Variants in PCDH15 observed in about 807,000 individuals in gnomAD.
PCDH15 encodes the protein protocadherin related 15.
A neutral mutation model predicts 178.5 loss-of-function variants in PCDH15; 129 were observed. The observed-to-expected ratio is 0.72, with a 90% CI of 0.63 to 0.84. The LOEUF is 0.84. PCDH15 is among the 40% of genes least tolerant of loss of function. The probability of loss-of-function intolerance (pLI) is 0.00; values close to 1 mark genes in which losing one functional copy is unlikely to be tolerated. For synonymous variants in PCDH15, 800 were observed against 732.0 expected, an observed-to-expected ratio of 1.09 and a Z score of -1.50; for missense variants, 2,230 against 2,099.9, an observed-to-expected ratio of 1.06 and a Z score of -1.21.
At chr10:54,006,368 C>G (rs1444201901) in intron 20 of PCDH15, among the ~76,000 whole-genome samples, 1 of 152,126 alleles carries the variant, frequency 6.6e-6, no homozygotes, top group African/African-American at 2.4e-5. Context: ...GAACAATTAG[C>G]AAGTTGTAAA....
intron 2 of PCDH15, among the ~76,000 whole-genome samples, chr10:55,061,706 A>T (rs947842222): frequency 6.6e-5 from 10 of 152,192 alleles, no homozygotes; most frequent in Non-Finnish European, 1.2e-4. Flanking sequence ...AATGGAATAT[A>T]TTACTCAGGG....
chr10:54,292,797 A>G (rs2059504065), intron 8 of PCDH15, among the ~76,000 whole-genome samples: 1 of 152,212 alleles, frequency 6.6e-6, no homozygotes, highest in African/African-American at 2.4e-5. Context: ...ACTACAAACC[A>G]CTGCTCAATG....
chr10:55,334,282 G>GTGTGTGTA (rs1844309694), intron 2 of PCDH15, among the ~76,000 whole-genome samples: 1 of 129,772 alleles, frequency 7.7e-6, no homozygotes, highest in South Asian at 2.4e-4. Context: ...GTGTGTGTGT[G>GTGTGTGTA]TGTATGTGTA....
intron 2 of PCDH15, among the ~76,000 whole-genome samples, chr10:55,548,210 G>GCGCACACACACA (rs386371439): frequency 4.1e-5 from 5 of 121,290 alleles, no homozygotes; most frequent in Admixed American, 1.6e-4. Context: ...AATGCCTAAT[G>GCGCACACACACA]CACACACACA....
intron 1 of PCDH15, among the ~76,000 whole-genome samples, chr10:54,726,503 T>A (rs1942554246): frequency 6.8e-6 from 1 of 146,524 alleles, no homozygotes. Flanking sequence ...TAAAGTGGTA[T>A]GAAACAGGAC....
chr10:55,571,824 T>A (rs938790052), intron 2 of PCDH15, among the ~76,000 whole-genome samples: 1 of 152,072 alleles, frequency 6.6e-6, no homozygotes, highest in Non-Finnish European at 1.5e-5. Context: ...AGCCTGAGAT[T>A]AAGTATGCCA....
chr10:54,326,832 T>C (rs1451021323), intron 7 of PCDH15, among the ~76,000 whole-genome samples: 1 of 152,166 alleles, frequency 6.6e-6, no homozygotes, highest in Non-Finnish European at 1.5e-5. Flanking sequence ...GCTATTAAAA[T>C]TATTTGTTCT....
intron 2 of PCDH15, among the ~76,000 whole-genome samples, chr10:54,969,322 G>T (rs1468873398): frequency 6.6e-6 from 1 of 152,004 alleles, no homozygotes; most frequent in Non-Finnish European, 1.5e-5. Flanking sequence ...CTCAGTAGCA[G>T]GACTAATTAT....
At chr10:54,487,047 T>G (rs573534306) in intron 3 of PCDH15, among the ~76,000 whole-genome samples, 1 of 152,198 alleles carries the variant, frequency 6.6e-6, no homozygotes, top group African/African-American at 2.4e-5. Context: ...CTTGTCATTA[T>G]TATATATTTG....
chr10:54,168,792 C>T (rs1440245397), intron 13 of PCDH15, among the ~76,000 whole-genome samples: 1 of 152,122 alleles, frequency 6.6e-6, no homozygotes, highest in Non-Finnish European at 1.5e-5. Flanking sequence ...CATTTTATTA[C>T]CCAATCTGCT....
At chr10:54,655,294 G>GAGAGAGAGAC (rs1210203637) in intron 2 of PCDH15, among the ~76,000 whole-genome samples, 11 of 122,804 alleles carry the variant, frequency 9.0e-5, no homozygotes, top group Admixed American at 4.6e-4. Flanking sequence ...GAGAGAGAGA[G>GAGAGAGAGAC]AGAGAGAGAC....
chr10:54,706,734 G>T (rs1310669907), intron 1 of PCDH15, among the ~76,000 whole-genome samples: 1 of 152,010 alleles, frequency 6.6e-6, no homozygotes, highest in African/African-American at 2.4e-5. Flanking sequence ...AACGATCCTC[G>T]TGCCTCAACC....
At chr10:54,058,327 T>C (rs1014164610) in intron 18 of PCDH15, among the ~76,000 whole-genome samples, 3 of 152,334 alleles carry the variant, frequency 2.0e-5, no homozygotes, top group South Asian at 2.1e-4. Flanking sequence ...AGAAGTCTAA[T>C]TGACTCACAG....
intron 3 of PCDH15, among the ~76,000 whole-genome samples, chr10:54,440,527 G>A (rs564124572): frequency 6.6e-6 from 1 of 151,438 alleles, no homozygotes; most frequent in South Asian, 2.1e-4. Context: ...TTTTTAATGC[G>A]GTATCAAATT....
chr10:55,179,348 C>A (rs1839579695), intron 1 of PCDH15, among the ~76,000 whole-genome samples: 1 of 152,030 alleles, frequency 6.6e-6, no homozygotes, highest in African/African-American at 2.4e-5. Flanking sequence ...AGACAGGGTC[C>A]CTCCCTAGGA....
intron 2 of PCDH15, among the ~76,000 whole-genome samples, chr10:54,900,682 A>T (rs929112275): frequency 6.6e-6 from 1 of 152,184 alleles, no homozygotes. Flanking sequence ...TTTATATATG[A>T]CAATGTATAA....
rs568414242 is a variant in PCDH15 at position 54,669,863 on chromosome 10, GC to G, written c.-28-5574del. Among the ~76,000 whole-genome samples the G allele has an allele frequency of 3.0e-3, 457 of 151,812 alleles. 3 individuals carry two copies. The highest frequency in any genetic ancestry group is 0.01 in the African/African-American group (433 of 41,398). On this transcript the variant is annotated intron_variant, in intron 1 of 37. Transcript: ENST00000644397. ...AGATCAGGAGTTCCAGACCAGCCTG[GC>G]AAACTTGGTGAAACCCCATCTCTAC...
chr10:54,792,942 C>T (rs1441549004), intron 1 of PCDH15, among the ~76,000 whole-genome samples: 1 of 151,724 alleles, frequency 6.6e-6, no homozygotes. Context: ...CAACTCCTAC[C>T]CATATCATGC....
intron 2 of PCDH15, among the ~76,000 whole-genome samples, chr10:55,003,254 T>C (rs1377568608): frequency 6.6e-6 from 1 of 152,132 alleles, no homozygotes; most frequent in Non-Finnish European, 1.5e-5. Context: ...TTCCAGGGAG[T>C]TCATGAAAAG....
Sources: gnomAD v4.1 joint callset for allele counts (sites outside exome capture counted in the v4.1 genomes callset) on GRCh38, gnomAD v4.1.1 for gene constraint, MANE v1.5 for transcripts, NCBI Gene and HGNC (gene_info 2026-07-23, HGNC 2026-07-21) for gene names.